Variants in PTPRM observed in about 807,000 individuals in gnomAD.
PTPRM encodes the protein protein tyrosine phosphatase receptor type M, also known as receptor-type tyrosine-protein phosphatase mu.
In PTPRM, 47 loss-of-function variants were observed where a neutral mutation model predicts 186.7. The ratio of observed to expected loss-of-function variants is 0.25; its 90% confidence interval spans 0.20 to 0.32. PTPRM has a LOEUF of 0.32. Ranked by LOEUF, PTPRM falls within the 10% of genes least tolerant of loss-of-function variation. The probability of loss-of-function intolerance (pLI) is 1.00; values close to 1 mark genes in which losing one functional copy is unlikely to be tolerated. For synonymous variants in PTPRM, 668 were observed against 674.9 expected (o/e 0.99, Z 0.16); for missense variants, 1,494 against 1,865.0 (o/e 0.80, Z 3.66).
intron 7 of PTPRM, among the ~76,000 whole-genome samples, chr18:7,976,738 G>A (rs2054971432): frequency 6.6e-6 from 1 of 152,162 alleles, no homozygotes; most frequent in African/African-American, 2.4e-5. Flanking sequence ...AGGAAGAGAG[G>A]AAAATGAATG....
In PTPRM at chr18:8,358,635, G is replaced by A. The variant is rs372120792; in HGVS notation, c.3055-12255G>A. Reference sequence around the variant, plus strand: ...TTTAGGCAAAAGCCAGAGAATAAAAGAGAGGATCCTTCAAGACATGTACAA... The same window carrying A: ...TTTAGGCAAAAGCCAGAGAATAAAAAAGAGGATCCTTCAAGACATGTACAA... On this transcript the variant is annotated intron_variant, in intron 23 of 32. Coordinates refer to ENST00000580170, the MANE Select transcript of PTPRM (RefSeq NM_001105244.2). Among the ~76,000 whole-genome samples, 21 of 152,316 alleles carry A rather than the reference G, an allele frequency of 1.4e-4. No individual in the cohort carries two copies. The East Asian group carries it at 1.7e-3, about 13-fold the overall frequency.
At chr18:7,883,281 C>T (rs1052748550) in intron 2 of PTPRM, among the ~76,000 whole-genome samples, 1 of 152,156 alleles carries the variant, frequency 6.6e-6, no homozygotes, top group Non-Finnish European at 1.5e-5. Flanking sequence ...GACCCAATTA[C>T]TCTTTGAAAA....
intron 8 of PTPRM, among the ~76,000 whole-genome samples, chr18:8,070,266 T>C (rs1022631323): frequency 9.2e-5 from 14 of 152,248 alleles, no homozygotes; most frequent in African/African-American, 2.7e-4. Flanking sequence ...TTTTATTTCA[T>C]TGGGCTGAAA....
intron 14 of PTPRM, among the ~76,000 whole-genome samples, chr18:8,199,690 C>G (rs2093826925): frequency 6.6e-6 from 1 of 152,202 alleles, no homozygotes; most frequent in Non-Finnish European, 1.5e-5. Context: ...TCACTTCCAA[C>G]TGTCCTACAG....
intron 24 of PTPRM, 29 bp downstream of exon 24, chr18:8,371,035 A>G (rs777204817): frequency 2.9e-6 from 4 of 1,375,164 alleles, no homozygotes; most frequent in Non-Finnish European, 4.1e-6. Flanking sequence ...TTTAAAAGCT[A>G]TGGTCAGACA....
intron 1 of PTPRM, among the ~76,000 whole-genome samples, chr18:7,661,521 T>C (rs1474973642): frequency 6.6e-6 from 1 of 152,218 alleles, no homozygotes; most frequent in Non-Finnish European, 1.5e-5. Context: ...CAACTGTCTC[T>C]TGCCAATTTC....
At chr18:8,404,055 C>T (rs2095887902) in intron 32 of PTPRM, 1 of 152,114 alleles carries the variant, frequency 6.6e-6, no homozygotes. Context: ...TTTCAGTTTC[C>T]TTAGGTGTAC....
chr18:7,693,064 T>C (rs1177865742), intron 1 of PTPRM, among the ~76,000 whole-genome samples: 2 of 152,216 alleles, frequency 1.3e-5, no homozygotes, highest in East Asian at 1.9e-4. Flanking sequence ...GTAGCACTAA[T>C]GTAAACACTG....
chr18:7,588,268 C>T (rs1475889669), intron 1 of PTPRM, among the ~76,000 whole-genome samples: 1 of 152,100 alleles, frequency 6.6e-6, no homozygotes, highest in East Asian at 1.9e-4. Context: ...ACATTAATTT[C>T]CAAAGACTTC....
intron 1 of PTPRM, among the ~76,000 whole-genome samples, chr18:7,573,409 C>T (rs2036608707): frequency 6.6e-6 from 1 of 152,098 alleles, no homozygotes; most frequent in South Asian, 2.1e-4. Flanking sequence ...CTTCTCAAAA[C>T]CTGCTGTCCA....
At chr18:8,120,305 C>T (rs1023605360) in intron 13 of PTPRM, among the ~76,000 whole-genome samples, 2 of 152,122 alleles carry the variant, frequency 1.3e-5, no homozygotes, top group African/African-American at 4.8e-5. Flanking sequence ...ATATAAAAAT[C>T]CTTCCTGGTA....
chr18:7,958,088 A>G (rs866729707), intron 7 of PTPRM, among the ~76,000 whole-genome samples: 1 of 152,044 alleles, frequency 6.6e-6, no homozygotes, highest in Middle Eastern at 3.2e-3. Flanking sequence ...GAGTAATACA[A>G]TTTAGCAGCA....
Position 8,253,295 on chromosome 18 carries a change from C to A in PTPRM, c.2635C>A (p.Pro879Thr), listed in dbSNP as rs775378128. Residue 879 changes from proline (P) to threonine (T), a missense_variant, in exon 19 of 33, where the codon CCG (proline) becomes ACG (threonine). Transcript: ENST00000580170. ...VQSHTYKKREPADVPYQTGQL... is the reference protein window; with the variant it reads ...VQSHTYKKRETADVPYQTGQL... ...GTCCCATACTTACAAGAAGCGAGAG[C>A]CGGCCGACGTGCCCTATCAGACTGG... 2 of 1,597,168 alleles carry A rather than the reference C, an allele frequency of 1.3e-6. No homozygotes were observed. Among genetic ancestry groups the A allele is most frequent in the Admixed American group, 1.7e-5 (1 of 57,944 alleles).
chr18:8,300,339 A>C (rs16953216), intron 20 of PTPRM, among the ~76,000 whole-genome samples: 2 of 151,828 alleles, frequency 1.3e-5, no homozygotes, highest in Admixed American at 1.3e-4. Flanking sequence ...TGGGTGAGTC[A>C]TGAGCCTTCT....
At chr18:7,899,496 A>G (rs1274962527) in intron 3 of PTPRM, among the ~76,000 whole-genome samples, 1 of 152,248 alleles carries the variant, frequency 6.6e-6, no homozygotes, top group East Asian at 1.9e-4. Flanking sequence ...GTGTTGTGAC[A>G]AAATTATTTC....
chr18:8,338,425 C>G (rs2095453587), intron 22 of PTPRM, among the ~76,000 whole-genome samples: 1 of 150,702 alleles, frequency 6.6e-6, no homozygotes. Flanking sequence ...TATGGGTTCT[C>G]TCCTGTTTTC....
intron 6 of PTPRM, among the ~76,000 whole-genome samples, chr18:7,954,311 A>T (rs561883831): frequency 1.3e-5 from 2 of 152,306 alleles, no homozygotes; most frequent in South Asian, 4.1e-4. Flanking sequence ...TTTTTGCTTC[A>T]GAGCTTTCCT....
chr18:7,613,943 A>G (rs1018941538), intron 1 of PTPRM, among the ~76,000 whole-genome samples: 4 of 152,230 alleles, frequency 2.6e-5, no homozygotes, highest in Non-Finnish European at 1.5e-5. Flanking sequence ...TAACATTTAT[A>G]GTCTTACTGG....
At chr18:7,809,443 C>G (rs16952551) in intron 2 of PTPRM, among the ~76,000 whole-genome samples, 2,744 of 152,058 alleles carry the variant, frequency 0.018, 76 homozygotes, top group East Asian at 0.091. Flanking sequence ...CTGCTGGGAC[C>G]GCTCTTCTCC....
Sources: gnomAD v4.1 joint callset for allele counts (sites outside exome capture counted in the v4.1 genomes callset) on GRCh38, gnomAD v4.1.1 for gene constraint, MANE v1.5 for transcripts, NCBI Gene and HGNC (gene_info 2026-07-23, HGNC 2026-07-21) for gene names.